SAFB2: variants seen among roughly 807,000 people sequenced by gnomAD.
SAFB2 encodes the protein scaffold attachment factor B2.
A neutral mutation model predicts 100.6 loss-of-function variants in SAFB2; 32 were observed. That is an observed-to-expected ratio of 0.32 (90% CI 0.24 to 0.43). SAFB2 has a LOEUF of 0.43. SAFB2 is among the 20% of genes least tolerant of loss of function. The pLI is 1.00. For missense variants in SAFB2, 1,185 were observed against 1,163.4 expected (o/e 1.02, Z -0.27); for synonymous variants, 500 against 439.4 (o/e 1.14, Z -1.72).
At chr19:5,613,975 C>T (rs968107875) in intron 4 of SAFB2, among the ~76,000 whole-genome samples, 16 of 152,318 alleles carry the variant, frequency 1.1e-4, no homozygotes, top group Admixed American at 2.0e-4. Flanking sequence ...TCATTTGAGA[C>T]GGAGTGTCAC....
chr19:5,612,639 T>C (rs1439515282), intron 5 of SAFB2, 72 bp from the exon 6 acceptor site: 17 of 1,186,592 alleles, frequency 1.4e-5, no homozygotes, highest in Admixed American at 1.8e-5. Flanking sequence ...CCAGTAAATA[T>C]GGCTTTCAAT....
At position 5,587,196 on chromosome 19, in the gene SAFB2, G is replaced by C. The variant is rs377415067; in HGVS notation, c.*47C>G. On this transcript the variant is annotated 3_prime_UTR_variant, in exon 21 of 21. Transcript: ENST00000252542. This position sits in a 1 kb window ranked among gnomAD's most constrained non-coding sequence, Gnocchi z 4.9. ...AAGTTCGAGGGAACCCTGGCTACCAGATTCAACAGTGCGTCTGCCCACCCG... is the reference window on the plus strand; with the variant it reads ...AAGTTCGAGGGAACCCTGGCTACCACATTCAACAGTGCGTCTGCCCACCCG... 6.3e-7 allele frequency: 1 copy of C among 1,596,582 alleles called. No homozygotes were observed. Among genetic ancestry groups the C allele is most frequent in the Non-Finnish European group, 8.6e-7 (1 of 1,166,838 alleles).
At position 5,611,233 on chromosome 19, in the gene SAFB2, T is replaced by C. The variant is rs1426994392; in HGVS notation, c.1032A>G (p.Pro344=). Reference sequence around the variant, plus strand: ...CGTCTTCTTTGCTATCTCTGGCTTCTGGGCTTGGGGCTTCCGTGGGTGCTT... The same window carrying C: ...CGTCTTCTTTGCTATCTCTGGCTTCCGGGCTTGGGGCTTCCGTGGGTGCTT... ...LAEAPTEAPS[P]EARDSKEDGR... The change falls in exon 7 of 21, where the codon CCA becomes CCG. Residue 344 remains proline (P), a synonymous_variant. Transcript: ENST00000252542. 4.8e-6 allele frequency: 2 copies of C among 419,166 alleles called. No homozygotes were observed. Among genetic ancestry groups the C allele is most frequent in the East Asian group, 3.8e-5 (1 of 26,174 alleles). 26.0% of individuals were successfully genotyped at this position (419,166 alleles called of 1,614,324 possible).
intron 6 of SAFB2, 57 bp downstream of exon 6, chr19:5,612,483 T>C (rs1401712388): frequency 6.7e-7 from 1 of 1,487,878 alleles, no homozygotes; most frequent in Admixed American, 1.7e-5. Context: ...TAGACAGCTT[T>C]AAAATAATAG....
chr19:5,596,909 A>C (rs139005835), intron 13 of SAFB2, among the ~76,000 whole-genome samples: 8 of 152,352 alleles, frequency 5.3e-5, no homozygotes, highest in African/African-American at 1.2e-4. Flanking sequence ...AATGAAAAAC[A>C]AACCAACCCA....
chr19:5,616,180 G>A lies in SAFB2; in HGVS notation c.495C>T (p.Tyr165=), dbSNP rs756375390. The change falls in exon 4 of 21, where the codon TAC becomes TAT. Residue 165 remains tyrosine, a synonymous_variant. Transcript: ENST00000252542. ...LLDSFCDSKE[Y]VAAQLRQLPA... is the part of the protein sequence containing the mutation. ...GGAGCTGTCTCAGCTGTGCAGCCAC[G>A]TATTCTTTACTATCACAAAAGGAAT... The A allele has an allele frequency of 3.3e-5, 54 of 1,614,108 alleles. No homozygotes were observed. Among genetic ancestry groups the A allele is most frequent in the East Asian group, 1.6e-4 (7 of 44,896 alleles).
At chr19:5,607,940 C>T (rs1327792436) in intron 9 of SAFB2, among the ~76,000 whole-genome samples, 1 of 152,228 alleles carries the variant, frequency 6.6e-6, no homozygotes, top group African/African-American at 2.4e-5. Context: ...AACACAGATG[C>T]CACTTCCCAT....
At position 5,594,040 on chromosome 19, in the gene SAFB2, CCGCTCCCGCTCCATG is replaced by C. The variant is rs748161277; in HGVS notation, c.2043_2057del (p.Met682_Arg686del). On this transcript the variant is annotated inframe_deletion, in exon 15 of 21. Coordinates refer to ENST00000252542, the MANE Select transcript of SAFB2 (RefSeq NM_014649.3). ...CCACGCGCATGCGCTCGCGCTCCAGCCGCTCCCGCTCCATGCGCTCCCGCTCCAGCCGCTGGCGCT... is the reference window on the plus strand; with the variant it reads ...CCACGCGCATGCGCTCGCGCTCCAGCCGCTCCCGCTCCAGCCGCTGGCGCT... The C allele has an allele frequency of 2.1e-4, 328 of 1,579,554 alleles. No homozygotes were observed. Among genetic ancestry groups the C allele is most frequent in the South Asian group, 4.1e-4 (36 of 88,098 alleles).
intron 15 of SAFB2, 98 bp downstream of exon 15, chr19:5,593,793 C>G: frequency 8.0e-7 from 1 of 1,255,524 alleles, no homozygotes; most frequent in East Asian, 3.0e-5. Context: ...TCATTCTCCC[C>G]ACCGACAGGG....
chr19:5,604,866 G>A lies in SAFB2; in HGVS notation c.1367C>T (p.Ser456Leu), dbSNP rs193920906. The change falls in exon 10 of 21, where the codon TCG becomes TTG. Residue 456 changes from serine (S) to leucine (L), a missense_variant. Around this residue, in one of 3 missense-constraint regions of SAFB2, gnomAD observed 94 missense variants for 135.1 expected, o/e 0.70. Transcript: ENST00000252542. ...GARCYGFVTM[S>L]TSDEATKCIS... is the part of the protein sequence containing the mutation. ...GCACTTGGTCGCCTCGTCAGATGTC[G>A]ACATGGTGACGAATCCATAGCATCG... The A allele has an allele frequency of 5.6e-6, 9 of 1,614,098 alleles. No homozygotes were observed. The highest frequency in any genetic ancestry group is 1.7e-4 in the Middle Eastern group (1 of 6,056).
chr19:5,619,402 A>T (rs2053097068), intron 2 of SAFB2, among the ~76,000 whole-genome samples: 1 of 152,252 alleles, frequency 6.6e-6, no homozygotes, highest in Non-Finnish European at 1.5e-5. Context: ...GCAACAGAAG[A>T]ACTTTATCAT....
intron 4 of SAFB2, chr19:5,613,807 G>A (rs2052963291): frequency 1.1e-6 from 1 of 890,358 alleles, no homozygotes; most frequent in African/African-American, 1.8e-5. Context: ...TCTAAGTACT[G>A]GTGATTACCA....
At chr19:5,607,098 T>G (rs763043099) in intron 9 of SAFB2, among the ~76,000 whole-genome samples, 6 of 151,904 alleles carry the variant, frequency 3.9e-5, no homozygotes, top group Non-Finnish European at 8.8e-5. Flanking sequence ...CATCTCTACT[T>G]AAAATACAAA....
At chr19:5,616,867 G>A (rs1199780571) in intron 2 of SAFB2, among the ~76,000 whole-genome samples, 1 of 151,862 alleles carries the variant, frequency 6.6e-6, no homozygotes, top group Non-Finnish European at 1.5e-5. Flanking sequence ...GGCCAGGCTG[G>A]TCTCAAACTC....
intron 9 of SAFB2, among the ~76,000 whole-genome samples, chr19:5,609,756 G>A (rs1273500094): frequency 6.6e-6 from 1 of 152,326 alleles, no homozygotes; most frequent in East Asian, 1.9e-4. Flanking sequence ...GTTACTGTGA[G>A]TCAGGAAACA....
In SAFB2 at chr19:5,587,804, TG is replaced by T; in HGVS notation, c.2639-38del. On this transcript the variant is annotated intron_variant, in intron 19 of 20. Coordinates refer to ENST00000252542, the MANE Select transcript of SAFB2 (RefSeq NM_014649.3). The surrounding 1 kb of genome is among the most constrained non-coding windows in gnomAD (Gnocchi z 4.9). The stretch of plus-strand genomic sequence containing the variant: ...GAAGGGTCTGCAAACACTCCGTTCC[TG>T]GGGAAGCCCCTGGACACATGTGGGG... 1 of 1,560,414 alleles carries T rather than the reference TG, an allele frequency of 6.4e-7. No homozygotes were observed. The highest frequency in any genetic ancestry group is 8.7e-7 in the Non-Finnish European group (1 of 1,151,478).
Position 5,594,022 on chromosome 19 carries a change from C to G in SAFB2, c.2076G>C (p.Met692Ile). The change falls in exon 15 of 21, where the codon ATG becomes ATC. Residue 692 changes from methionine (M) to isoleucine (I), a missense_variant. Met to Ile is a conservative substitution (Grantham distance 10, BLOSUM62 1). Transcript: ENST00000252542. Reference protein sequence around the residue: ...MERERLERERMRVERERRKEQ... With the variant: ...MERERLERERIRVERERRKEQ... ...CCTTCCTGCGCTCACGCTCCACGCG[C>G]ATGCGCTCGCGCTCCAGCCGCTCCC... 2 of 1,567,628 alleles carry G rather than the reference C, an allele frequency of 1.3e-6. No individual in the cohort carries two copies. The highest frequency in any genetic ancestry group is 8.6e-7 in the Non-Finnish European group (1 of 1,163,712).
intron 2 of SAFB2, among the ~76,000 whole-genome samples, chr19:5,620,013 A>C (rs529446830): frequency 2.0e-5 from 3 of 152,228 alleles, no homozygotes; most frequent in Non-Finnish European, 1.5e-5. Flanking sequence ...CACATCATGC[A>C]TAAGTTAACA....
chr19:5,620,967 T>C (rs573229648), intron 2 of SAFB2, among the ~76,000 whole-genome samples: 11 of 152,208 alleles, frequency 7.2e-5, no homozygotes, highest in Non-Finnish European at 1.6e-4. Flanking sequence ...AAGACCTATT[T>C]TTTGAACCAG....
Sources: gnomAD v4.1 joint callset for allele counts (sites outside exome capture counted in the v4.1 genomes callset) on GRCh38, gnomAD v4.1.1 for gene constraint, gnomAD v4.1.1 regional missense constraint, Gnocchi (gnomAD v3.1) non-coding constraint, MANE v1.5 for transcripts, NCBI Gene and HGNC (gene_info 2026-07-23, HGNC 2026-07-21) for gene names.